Variants in MYZAP observed in about 807,000 individuals in gnomAD.
The protein encoded by MYZAP is myocardial zonula adherens protein.
In MYZAP, 66 loss-of-function variants were observed where a neutral mutation model predicts 69.4. The ratio of observed to expected loss-of-function variants is 0.95; its 90% CI spans 0.78 to 1.17. The LOEUF (loss-of-function observed/expected upper bound fraction) is 1.17, where lower values mean the gene tolerates loss of function less well. Among genes scored for constraint, MYZAP ranks in the 50% most tolerant of loss-of-function variants. The pLI is 0.00. For missense variants in MYZAP, 611 were observed against 556.2 expected, an observed-to-expected ratio of 1.10 and a Z score of -0.99; for synonymous variants, 256 against 205.9, an observed-to-expected ratio of 1.24 and a Z score of -2.09.
At chr15:57,617,319 C>A (rs117308327) in intron 2 of MYZAP, among the ~76,000 whole-genome samples, 2,246 of 152,220 alleles carry the variant, frequency 0.015, 29 homozygotes, top group South Asian at 0.045. Context: ...CTTAATTTCC[C>A]CCTTTCCTGC....
chr15:57,665,111 A>C (rs1055110780), intron 11 of MYZAP, among the ~76,000 whole-genome samples: 2 of 152,182 alleles, frequency 1.3e-5, no homozygotes, highest in African/African-American at 4.8e-5. Context: ...TCAAAGTTGG[A>C]GACTATCATC....
chr15:57,632,114 A>T (rs1466464062), intron 6 of MYZAP, among the ~76,000 whole-genome samples: 1 of 152,268 alleles, frequency 6.6e-6, no homozygotes, highest in South Asian at 2.1e-4. Flanking sequence ...GGTCTTACCT[A>T]GAAACTGGCT....
At chr15:57,609,287 A>G (rs1232358257) in intron 2 of MYZAP, among the ~76,000 whole-genome samples, 2 of 152,174 alleles carry the variant, frequency 1.3e-5, no homozygotes, top group African/African-American at 4.8e-5. Context: ...GAAAAACGAG[A>G]TGGCTTCAAT....
chr15:57,670,320 T>G (rs1207251051), intron 11 of MYZAP, among the ~76,000 whole-genome samples: 8 of 152,186 alleles, frequency 5.3e-5, no homozygotes, highest in African/African-American at 1.9e-4. Flanking sequence ...GATGAATTGA[T>G]CTTTACAATA....
intron 11 of MYZAP, among the ~76,000 whole-genome samples, chr15:57,673,586 C>G (rs537728238): frequency 6.6e-6 from 1 of 151,680 alleles, no homozygotes; most frequent in South Asian, 2.1e-4. Context: ...ACCCATCGAT[C>G]TGTCATAGCA....
chr15:57,658,274 A>C (rs955867922), intron 10 of MYZAP, among the ~76,000 whole-genome samples: 1 of 152,142 alleles, frequency 6.6e-6, no homozygotes, highest in Admixed American at 6.5e-5. Flanking sequence ...GACATTCTGC[A>C]TATGTTTCCT....
In MYZAP at chr15:57,609,363, C is replaced by G. The variant is rs191718516; in HGVS notation, c.162+5008C>G. 2.3e-3 allele frequency among the ~76,000 whole-genome samples: 346 copies of G among 152,334 alleles called. 3 individuals carry two copies. The highest frequency in any genetic ancestry group is 7.6e-3 in the African/African-American group (316 of 41,578). ...TGGGATCAAGGTGCTGGTGGTGCCT[C>G]CTCTGAAGGCTCCAGGGGGAGAATT... On this transcript the variant is annotated intron_variant, in intron 2 of 12. Coordinates refer to ENST00000267853, the MANE Select transcript of MYZAP (RefSeq NM_001018100.5).
intron 11 of MYZAP, among the ~76,000 whole-genome samples, chr15:57,664,944 T>G (rs1393076176): frequency 6.6e-6 from 1 of 152,204 alleles, no homozygotes; most frequent in African/African-American, 2.4e-5. Flanking sequence ...TGTTAATACT[T>G]AAGTGATTAG....
chr15:57,666,760 C>T (rs796232489), intron 11 of MYZAP, among the ~76,000 whole-genome samples: 2 of 152,266 alleles, frequency 1.3e-5, no homozygotes, highest in South Asian at 4.1e-4. Context: ...ATACCCCACA[C>T]CTCAGCATCC....
intron 10 of MYZAP, chr15:57,647,684 A>G: frequency 2.0e-6 from 2 of 985,396 alleles, no homozygotes; most frequent in Non-Finnish European, 2.4e-6. Flanking sequence ...TTCCTAGAGT[A>G]CTGCATAGCC....
At chr15:57,646,145 G>C (rs940566916) in intron 10 of MYZAP, 2 of 1,289,126 alleles carry the variant, frequency 1.6e-6, no homozygotes, top group African/African-American at 3.0e-5. Context: ...AGATCATGTC[G>C]CACGAGCTCT....
chr15:57,624,496 C>T (rs1220557814), intron 4 of MYZAP, among the ~76,000 whole-genome samples: 1 of 152,184 alleles, frequency 6.6e-6, no homozygotes, highest in East Asian at 1.9e-4. Flanking sequence ...AGCCCATTCC[C>T]ACTGGCATGT....
At chr15:57,624,939 C>G (rs1225884372) in intron 4 of MYZAP, among the ~76,000 whole-genome samples, 1 of 152,174 alleles carries the variant, frequency 6.6e-6, no homozygotes, top group Non-Finnish European at 1.5e-5. Context: ...CACCCTCAGT[C>G]CTAACTGTAT....
intron 2 of MYZAP, among the ~76,000 whole-genome samples, chr15:57,614,944 C>A (rs923682760): frequency 2.0e-4 from 31 of 151,998 alleles, no homozygotes; most frequent in Non-Finnish European, 4.4e-5. Flanking sequence ...CAAATTTCTT[C>A]CCCCTCCTCT....
chr15:57,595,081 C>A (rs1405263337), intron 1 of MYZAP, among the ~76,000 whole-genome samples: 6 of 152,272 alleles, frequency 3.9e-5, no homozygotes, highest in African/African-American at 1.4e-4. Context: ...GGGACTCCTG[C>A]GAGCCAGCTG....
At chr15:57,623,668 G>A (rs145706353) in intron 4 of MYZAP, among the ~76,000 whole-genome samples, 3,128 of 152,034 alleles carry the variant, frequency 0.021, 65 homozygotes, top group Non-Finnish European at 0.031. Context: ...GGGAGGTGGA[G>A]GTTGCAGTGA....
chr15:57,670,401 C>T (rs2038812320), intron 11 of MYZAP, among the ~76,000 whole-genome samples: 1 of 151,952 alleles, frequency 6.6e-6, no homozygotes, highest in Admixed American at 6.6e-5. Context: ...TGAATGTAGC[C>T]ATTTTTACCC....
Position 57,661,489 on chromosome 15 carries a change from T to G in MYZAP, c.1159T>G (p.Leu387Val), listed in dbSNP as rs2038304302. 6.2e-7 allele frequency: 1 copy of G among 1,609,934 alleles called. No homozygotes were observed. The highest frequency in any genetic ancestry group is 8.5e-7 in the Non-Finnish European group (1 of 1,178,972). Residue 387 changes from leucine to valine, a missense_variant, in exon 11 of 13, where the codon TTA becomes GTA. By Grantham distance (32) the Leu-to-Val change is conservative. Coordinates refer to ENST00000267853, the MANE Select transcript of MYZAP (RefSeq NM_001018100.5). ...LKKKLQQKQLLILQLLEKISF... is the reference protein window; with the variant it reads ...LKKKLQQKQLVILQLLEKISF... ...GAAAAAGTTGCAACAGAAACAGCTC[T>G]TAATACTGCAGCTTTTAGAAAAGAT...
chr15:57,641,799 G>T (rs2037176322), intron 10 of MYZAP, among the ~76,000 whole-genome samples: 1 of 152,194 alleles, frequency 6.6e-6, no homozygotes, highest in African/African-American at 2.4e-5. Context: ...AGCCATTTAT[G>T]TGAATATTTT....
Sources: gnomAD v4.1 joint callset for allele counts (sites outside exome capture counted in the v4.1 genomes callset) on GRCh38, gnomAD v4.1.1 for gene constraint, MANE v1.5 for transcripts, NCBI Gene and HGNC (gene_info 2026-07-23, HGNC 2026-07-21) for gene names.